Variants in RALYL observed in about 807,000 individuals in gnomAD.
The protein encoded by RALYL is RNA-binding Raly-like protein.
RALYL carries 29 observed loss-of-function variants against 35.1 expected under a neutral mutation model. The observed-to-expected ratio is 0.83, with a 90% CI of 0.61 to 1.13. RALYL has a LOEUF of 1.13. Among genes scored for constraint, RALYL ranks in the 50% most tolerant of loss-of-function variants. The probability of loss-of-function intolerance (pLI) is 0.00; values close to 1 mark genes in which losing one functional copy is unlikely to be tolerated. For synonymous variants in RALYL, 120 were observed against 127.6 expected (o/e 0.94, Z 0.40); for missense variants, 359 against 360.4 (o/e 1.00, Z 0.03).
At chr8:84,905,407 T>A (rs76319356) in intron 8 of RALYL, among the ~76,000 whole-genome samples, 3 of 152,124 alleles carry the variant, frequency 2.0e-5, no homozygotes, top group African/African-American at 7.2e-5. Flanking sequence ...CTCTTTGAGA[T>A]CCTAATTTCA....
intron 1 of RALYL, among the ~76,000 whole-genome samples, chr8:84,526,413 C>T (rs753666588): frequency 6.6e-6 from 1 of 152,158 alleles, no homozygotes; most frequent in Non-Finnish European, 1.5e-5. Flanking sequence ...TACTAAGGCT[C>T]ACCCTTCTGA....
intron 2 of RALYL, among the ~76,000 whole-genome samples, chr8:84,770,609 CT>C: frequency 6.6e-6 from 1 of 152,088 alleles, no homozygotes; most frequent in East Asian, 1.9e-4. Context: ...CTTTTAGTTT[CT>C]TAAGGAATCA....
intron 1 of RALYL, among the ~76,000 whole-genome samples, chr8:84,303,057 A>T (rs1841118940): frequency 6.6e-6 from 1 of 152,132 alleles, no homozygotes; most frequent in South Asian, 2.1e-4. Flanking sequence ...TGAGGTTAGG[A>T]CACATTCAGG....
chr8:84,487,078 C>T (rs2054714316), intron 1 of RALYL, among the ~76,000 whole-genome samples: 1 of 151,970 alleles, frequency 6.6e-6, no homozygotes, highest in East Asian at 1.9e-4. Context: ...TGAATTTACT[C>T]TTGATTGATT....
intron 8 of RALYL, among the ~76,000 whole-genome samples, chr8:84,910,363 T>C (rs1847297253): frequency 6.6e-6 from 1 of 152,114 alleles, no homozygotes; most frequent in Non-Finnish European, 1.5e-5. Context: ...TATCAAAGTC[T>C]TGGGCTATAA....
intron 2 of RALYL, among the ~76,000 whole-genome samples, chr8:84,548,676 G>A (rs2060518010): frequency 6.6e-6 from 1 of 152,082 alleles, no homozygotes; most frequent in African/African-American, 2.4e-5. Flanking sequence ...TAAATCATTA[G>A]AATTCTCACT....
chr8:84,626,757 G>C (rs776449231), intron 2 of RALYL, among the ~76,000 whole-genome samples: 1 of 152,168 alleles, frequency 6.6e-6, no homozygotes, highest in African/African-American at 2.4e-5. Context: ...GTGATTGACT[G>C]TACACAAGTA....
chr8:84,894,310 C>G (rs573308828), intron 8 of RALYL, among the ~76,000 whole-genome samples: 2 of 152,304 alleles, frequency 1.3e-5, no homozygotes, highest in African/African-American at 2.4e-5. Flanking sequence ...CAAACAAGAA[C>G]TGTGAGACAT....
intron 4 of RALYL, among the ~76,000 whole-genome samples, chr8:84,835,936 T>G (rs1192919901): frequency 6.6e-6 from 1 of 151,846 alleles, no homozygotes; most frequent in Non-Finnish European, 1.5e-5. Flanking sequence ...GAATGAATAG[T>G]GAAAGAATGT....
chr8:84,352,656 T>C (rs1173471073), intron 1 of RALYL, among the ~76,000 whole-genome samples: 1 of 150,478 alleles, frequency 6.6e-6, no homozygotes, highest in African/African-American at 2.5e-5. Flanking sequence ...CTGAGATCCA[T>C]CAAATGCAAA....
At chr8:84,232,997 T>TAAAA (rs1825712547) in intron 1 of RALYL, among the ~76,000 whole-genome samples, 1 of 152,160 alleles carries the variant, frequency 6.6e-6, no homozygotes, top group African/African-American at 2.4e-5. Context: ...TTTCTTTTTT[T>TAAAA]AAAGACAGGG....
chr8:84,480,103 C>T (rs559435084), intron 1 of RALYL, among the ~76,000 whole-genome samples: 2 of 152,086 alleles, frequency 1.3e-5, no homozygotes, highest in South Asian at 4.1e-4. Flanking sequence ...CAACCTGACT[C>T]GTTATTCTTA....
At chr8:84,730,413 C>T (rs1247959698) in intron 2 of RALYL, among the ~76,000 whole-genome samples, 5 of 152,098 alleles carry the variant, frequency 3.3e-5, no homozygotes, top group African/African-American at 1.2e-4. Context: ...CTATGACATA[C>T]CCACAGCCAA....
intron 2 of RALYL, among the ~76,000 whole-genome samples, chr8:84,557,205 A>G (rs1354702398): frequency 6.6e-6 from 1 of 152,184 alleles, no homozygotes; most frequent in Non-Finnish European, 1.5e-5. Context: ...TATCCCCACT[A>G]TGGTACGAGA....
At chr8:84,720,150 A>G (rs1220056714) in intron 2 of RALYL, among the ~76,000 whole-genome samples, 1 of 152,158 alleles carries the variant, frequency 6.6e-6, no homozygotes, top group Non-Finnish European at 1.5e-5. Flanking sequence ...AAATAGAAAA[A>G]AACTCATCTT....
At chr8:84,485,585 A>T (rs923973502) in intron 1 of RALYL, among the ~76,000 whole-genome samples, 32 of 151,684 alleles carry the variant, frequency 2.1e-4, no homozygotes, top group African/African-American at 7.0e-4. Flanking sequence ...CCTCAAAACA[A>T]ACAAAACAAA....
intron 1 of RALYL, among the ~76,000 whole-genome samples, chr8:84,238,835 A>C (rs1344197057): frequency 6.6e-6 from 1 of 152,152 alleles, no homozygotes; most frequent in African/African-American, 2.4e-5. Flanking sequence ...GCTCACACTC[A>C]GTTTGTGACT....
chr8:84,429,976 G>T lies in RALYL; in HGVS notation c.-23-99323G>T, dbSNP rs192942576. 1.7e-3 allele frequency among the ~76,000 whole-genome samples: 250 copies of T among 145,500 alleles called. 2 individuals carry two copies. The highest frequency in any genetic ancestry group is 3.6e-3 in the Middle Eastern group (1 of 276). On this transcript the variant is annotated intron_variant, in intron 1 of 8. Coordinates refer to ENST00000521268, the MANE Select transcript of RALYL (RefSeq NM_173848.7). ...CTCTGAAAGGTGCAGAAAGAAACAAGAAAAGATAGGAAATAGACTTCTAGG... is the reference window on the plus strand; with the variant it reads ...CTCTGAAAGGTGCAGAAAGAAACAATAAAAGATAGGAAATAGACTTCTAGG...
intron 2 of RALYL, among the ~76,000 whole-genome samples, chr8:84,732,474 T>C (rs1271636461): frequency 6.6e-6 from 1 of 151,976 alleles, no homozygotes; most frequent in East Asian, 1.9e-4. Flanking sequence ...AGTACTGAAA[T>C]AATTAGCTAT....
Sources: gnomAD v4.1 joint callset for allele counts (sites outside exome capture counted in the v4.1 genomes callset) on GRCh38, gnomAD v4.1.1 for gene constraint, MANE v1.5 for transcripts, NCBI Gene and HGNC (gene_info 2026-07-23, HGNC 2026-07-21) for gene names.